Variants in PRMT8 observed in about 807,000 individuals in gnomAD.
PRMT8 encodes protein arginine methyltransferase 8.
PRMT8 carries 7 observed loss-of-function variants against 47.1 expected under a neutral mutation model. That is an observed-to-expected ratio of 0.15 (90% confidence interval 0.08 to 0.28). The LOEUF is 0.28. PRMT8 is among the 10% of genes least tolerant of loss of function. The pLI is 1.00. For synonymous variants in PRMT8, 188 were observed against 186.5 expected (o/e 1.01, Z -0.07); for missense variants, 237 against 505.4 (o/e 0.47, Z 5.09).
chr12:3,588,173 G>A (rs962502828), intron 8 of PRMT8, among the ~76,000 whole-genome samples: 2 of 152,206 alleles, frequency 1.3e-5, no homozygotes, highest in African/African-American at 2.4e-5. Flanking sequence ...TACTTTCTGC[G>A]CCTTGGGCTC....
intron 4 of PRMT8, among the ~76,000 whole-genome samples, chr12:3,563,726 G>A (rs560948428): frequency 5.3e-5 from 8 of 152,152 alleles, no homozygotes; most frequent in Admixed American, 4.6e-4. Context: ...ACAGGCCTAG[G>A]TTCAGCCCCC....
chr12:3,583,739 C>G lies in PRMT8; in HGVS notation c.979+531C>G, dbSNP rs569459767. On this transcript the variant is annotated intron_variant, in intron 8 of 9. Transcript: ENST00000382622. The surrounding 1 kb of genome is among the most constrained non-coding windows in gnomAD (Gnocchi z 4.7). ...CTACTCCCACTCCCAAATCCCAGCC[C>G]CGCTTACGAGGTGCCTCGCTGCCTG... Among the ~76,000 whole-genome samples, 97 of 152,358 alleles carry G rather than the reference C, an allele frequency of 6.4e-4. No individual in the cohort carries two copies. Among genetic ancestry groups the G allele is most frequent in the African/African-American group, 2.3e-3 (94 of 41,580 alleles).
rs531185465 is a variant in PRMT8 at position 3,569,385 on chromosome 12, G to T, written c.625-92G>T. ...GCATGAGAGATGGTGGCAAGGGGGT[G>T]CTTGTCTGGTGACTCTATGTGCAGT... On this transcript the variant is annotated intron_variant, in intron 5 of 9. Transcript: ENST00000382622. The surrounding 1 kb of genome is among the most constrained non-coding windows in gnomAD (Gnocchi z 8.2). 5.7e-6 allele frequency: 6 copies of T among 1,050,134 alleles called. No individual in the cohort carries two copies. In the South Asian group the frequency reaches 6.4e-5, roughly 11 times the overall value. 65.1% of individuals were successfully genotyped at this position (1,050,134 alleles called of 1,614,324 possible).
At chr12:3,525,843 T>C (rs1208104222) in intron 1 of PRMT8, among the ~76,000 whole-genome samples, 1 of 152,212 alleles carries the variant, frequency 6.6e-6, no homozygotes, top group African/African-American at 2.4e-5. Flanking sequence ...CAGATTTTTT[T>C]CTCCAATTGT....
rs61086031 is a variant in PRMT8, at chr12:3,453,874, A to G, written c.48+72432A>G. On this transcript the variant is annotated intron_variant, in intron 1 of 9. Transcript: ENST00000452611. The surrounding 1 kb of genome is among the most constrained non-coding windows in gnomAD (Gnocchi z 4.9). ...TGCTCCGGCGATTGAAAATGACTGC[A>G]GCCTCGGGTGCAGCCTTGTCCTCAG... Among the ~76,000 whole-genome samples the G allele has an allele frequency of 0.15, 23,415 of 152,190 alleles. 3,003 individuals carry two copies. Among genetic ancestry groups the G allele is most frequent in the African/African-American group, 0.35 (14,409 of 41,500 alleles).
intron 1 of PRMT8, among the ~76,000 whole-genome samples, chr12:3,475,205 G>A (rs1041186016): frequency 6.6e-6 from 1 of 152,174 alleles, no homozygotes; most frequent in African/African-American, 2.4e-5. Context: ...TCTTGGGTTG[G>A]CTTGGAGGTC....
At chr12:3,553,786 C>A in intron 4 of PRMT8, 72 bp downstream of exon 4, 1 of 1,396,896 alleles carries the variant, frequency 7.2e-7, no homozygotes, top group Non-Finnish European at 1.0e-6. Context: ...GTTGGGATGG[C>A]ATAGCGGGAG....
At position 3,456,531 on chromosome 12, in the gene PRMT8, G is replaced by T. The variant is rs1001448927; in HGVS notation, c.48+75089G>T. ...CATTCGGCATCACGAGCGATCTGTTGTGCAGCCCGATCATCCCCCAATTCA... is the reference window on the plus strand; with the variant it reads ...CATTCGGCATCACGAGCGATCTGTTTTGCAGCCCGATCATCCCCCAATTCA... On this transcript the variant is annotated intron_variant, in intron 1 of 9. Coordinates refer to the PRMT8 transcript ENST00000452611. This position sits in a 1 kb window ranked among gnomAD's most constrained non-coding sequence, Gnocchi z 4.2. 6.6e-6 allele frequency among the ~76,000 whole-genome samples: 1 copy of T among 152,200 alleles called. No homozygotes were observed. Among genetic ancestry groups the T allele is most frequent in the African/African-American group, 2.4e-5 (1 of 41,454 alleles).
At position 3,396,831 on chromosome 12, in the gene PRMT8, C is replaced by G. The variant is rs1011622495; in HGVS notation, c.48+15389C>G. 2.9e-3 allele frequency among the ~76,000 whole-genome samples: 445 copies of G among 151,978 alleles called. 1 individual carries two copies. Among genetic ancestry groups the G allele is most frequent in the Non-Finnish European group, 3.7e-3 (250 of 67,904 alleles). On this transcript the variant is annotated intron_variant, in intron 1 of 9. Coordinates refer to the PRMT8 transcript ENST00000452611. The stretch of plus-strand genomic sequence containing the variant: ...GTTTTCCAACTTGGTTCCATTCTCC[C>G]CGTCACTTTCAGGTACACCAATCAG...
chr12:3,558,441 A>G (rs1371618902), intron 4 of PRMT8, among the ~76,000 whole-genome samples: 1 of 152,204 alleles, frequency 6.6e-6, no homozygotes, highest in East Asian at 1.9e-4. Flanking sequence ...ACATGCAACC[A>G]TCAAAGTCAG....
chr12:3,568,407 T>C (rs991297882), intron 4 of PRMT8, among the ~76,000 whole-genome samples: 13 of 149,556 alleles, frequency 8.7e-5, no homozygotes, highest in Non-Finnish European at 1.9e-4. Flanking sequence ...TTGTTAAGGG[T>C]CAGTTGTAAT....
rs1867353227 is a variant in PRMT8 at position 3,593,314 on chromosome 12, G to A, written c.*132G>A. 6.6e-6 allele frequency: 5 copies of A among 759,292 alleles called. No individual in the cohort carries two copies. The highest frequency in any genetic ancestry group is 1.1e-5 in the Non-Finnish European group (5 of 470,076). The allele number at this position is 759,292 out of a possible 1,614,324, so 47.0% of individuals were successfully genotyped here. A position where few individuals can be genotyped will look rare whatever the true frequency, so the allele number is the denominator to read the frequency against. Reference sequence around the variant, plus strand: ...GTTTTCAACTCTGCCTTGAAGATTGGTGAACTCCCCAGGGCTCCCGTGGGC... The same window carrying A: ...GTTTTCAACTCTGCCTTGAAGATTGATGAACTCCCCAGGGCTCCCGTGGGC... On this transcript the variant is annotated 3_prime_UTR_variant, in exon 10 of 10. Coordinates refer to ENST00000382622, the MANE Select transcript of PRMT8 (RefSeq NM_019854.5). This position sits in a 1 kb window ranked among gnomAD's most constrained non-coding sequence, Gnocchi z 4.8.
chr12:3,533,414 C>T (rs1866065447), intron 1 of PRMT8, among the ~76,000 whole-genome samples: 1 of 152,222 alleles, frequency 6.6e-6, no homozygotes, highest in South Asian at 2.1e-4. Context: ...CAACACAAAT[C>T]CACAGACTTT....
intron 1 of PRMT8, among the ~76,000 whole-genome samples, chr12:3,515,651 C>A (rs1473307234): frequency 6.6e-6 from 1 of 152,242 alleles, no homozygotes; most frequent in Admixed American, 6.5e-5. Context: ...CACCACACTG[C>A]ACAGAACCCA....
intron 2 of PRMT8, 60 bp downstream of exon 2, chr12:3,540,851 T>G: frequency 6.5e-7 from 1 of 1,532,230 alleles, no homozygotes; most frequent in Admixed American, 1.7e-5. Flanking sequence ...TCTGTTGTTT[T>G]CAGAGGCAGC....
Position 3,583,583 on chromosome 12 carries a change from T to C in PRMT8, c.979+375T>C, listed in dbSNP as rs112261703. Among the ~76,000 whole-genome samples the C allele has an allele frequency of 9.9e-4, 151 of 152,340 alleles. 1 individual carries two copies. Among genetic ancestry groups the C allele is most frequent in the African/African-American group, 3.5e-3 (146 of 41,584 alleles). ...AGCCTAGTCTGCACTGCCATGCCTC[T>C]GTGCAGGACACAGCCTGTCTTGCAG... On this transcript the variant is annotated intron_variant, in intron 8 of 9. Coordinates refer to ENST00000382622, the MANE Select transcript of PRMT8 (RefSeq NM_019854.5). The surrounding 1 kb of genome is among the most constrained non-coding windows in gnomAD (Gnocchi z 4.7).
intron 1 of PRMT8, among the ~76,000 whole-genome samples, chr12:3,466,030 G>A (rs192900360): frequency 1.3e-5 from 2 of 152,148 alleles, no homozygotes; most frequent in African/African-American, 2.4e-5. Flanking sequence ...GGGCACTGAC[G>A]CAGAAAACTG....
At chr12:3,473,365 G>A (rs1178401511) in intron 1 of PRMT8, among the ~76,000 whole-genome samples, 4 of 152,046 alleles carry the variant, frequency 2.6e-5, no homozygotes, top group Non-Finnish European at 5.9e-5. Context: ...CACCCAGAAC[G>A]GTCTCCTGTT....
Position 3,568,636 on chromosome 12 carries a change from T to C in PRMT8, c.482-70T>C, listed in dbSNP as rs1014575888. The C allele has an allele frequency of 3.2e-6, 5 of 1,581,192 alleles. No homozygotes were observed. The African/African-American group carries it at 5.4e-5, about 17-fold the overall frequency. On this transcript the variant is annotated intron_variant, in intron 4 of 9. Transcript: ENST00000382622. ...GGGCTGAAACCTGGAGATCTGGCCC[T>C]GAAGTGAGGTGCTTGTGGTTCCTGG...
Sources: gnomAD v4.1 joint callset for allele counts (sites outside exome capture counted in the v4.1 genomes callset) on GRCh38, gnomAD v4.1.1 for gene constraint, Gnocchi (gnomAD v3.1) non-coding constraint, MANE v1.5 for transcripts, NCBI Gene and HGNC (gene_info 2026-07-23, HGNC 2026-07-21) for gene names.